RADX: variants seen among roughly 807,000 people sequenced by gnomAD.
RADX encodes RPA-related protein RADX.
In RADX, 36 loss-of-function variants were observed where a neutral mutation model predicts 61.6. The observed-to-expected ratio is 0.58, with a 90% CI of 0.45 to 0.77. The LOEUF (loss-of-function observed/expected upper bound fraction) is 0.77, where lower values mean the gene tolerates loss of function less well. Among genes scored for constraint, RADX ranks in the 30% least tolerant of loss-of-function variants. The probability of loss-of-function intolerance (pLI) is 0.00; values close to 1 mark genes in which losing one functional copy is unlikely to be tolerated. For missense variants in RADX, 497 were observed against 651.1 expected (o/e 0.76, Z 2.58); for synonymous variants, 272 against 237.9 (o/e 1.14, Z -1.32).
rs1926706274 is a variant in RADX, at chrX:106,612,621, T to C, written c.541T>C (p.Leu181=). Residue 181 remains leucine (L), a synonymous_variant, in exon 1 of 14, where the codon TTA becomes CTA. Coordinates refer to ENST00000372548, the MANE Select transcript of RADX (RefSeq NM_018015.6). ...RAHQEKPERP[L]RGGKSHYLAL... ...GCACCAGGAGAAACCAGAGAGGCCT[T>C]TAAGAGGCGGGAAGAGTCATTACCT... 8.3e-7 allele frequency: 1 copy of C among 1,208,848 alleles called. No homozygotes were observed. The highest frequency in any genetic ancestry group is 1.1e-6 in the Non-Finnish European group (1 of 894,867).
rs913019609 is a variant in RADX, at chrX:106,612,398, G to A, written c.318G>A (p.Glu106=). 1.7e-6 allele frequency: 2 copies of A among 1,209,072 alleles called. No homozygotes were observed. Among genetic ancestry groups the A allele is most frequent in the Non-Finnish European group, 2.2e-6 (2 of 894,546 alleles). The part of the protein sequence containing the change: ...DVTISDGVYQ[E]KCYLDPSLNS... ...CGATCTCAGATGGGGTGTACCAGGA[G>A]AAGTGCTACCTGGACCCCAGCTTGA... Residue 106 remains glutamate (E), a synonymous_variant, in exon 1 of 14, where the codon GAG becomes GAA. Coordinates refer to ENST00000372548, the MANE Select transcript of RADX (RefSeq NM_018015.6).
Position 106,612,204 on chromosome X carries a change from C to G in RADX, c.124C>G (p.Pro42Ala), listed in dbSNP as rs1303992225. Residue 42 changes from proline to alanine, a missense_variant, in exon 1 of 14, where the codon CCC becomes GCC. By Grantham distance (27) the Pro-to-Ala change is conservative. Around this residue, in one of 3 missense-constraint regions of RADX, gnomAD observed 196 missense variants for 315.0 expected, o/e 0.62. Transcript: ENST00000372548. ...GVIRRAGSQG[P>A]RSWIQKVLEQ... ...GATCCGAAGAGCTGGTTCCCAAGGG[C>G]CCAGGTCCTGGATCCAAAAGGTTCT... 1 of 1,209,738 alleles carries G rather than the reference C, an allele frequency of 8.3e-7. No homozygotes were observed. Among genetic ancestry groups the G allele is most frequent in the Non-Finnish European group, 1.1e-6 (1 of 895,160 alleles).
intron 13 of RADX, among the ~76,000 whole-genome samples, chrX:106,674,725 G>T (rs1279830907): frequency 8.9e-6 from 1 of 111,906 alleles, no homozygotes. Context: ...TTTGTGTAAA[G>T]AATGAGATAG....
intron 10 of RADX, among the ~76,000 whole-genome samples, chrX:106,642,383 G>A (rs1443499348): frequency 5.4e-5 from 6 of 111,122 alleles, no homozygotes; most frequent in Admixed American, 1.9e-4. Flanking sequence ...CCCGTTAAAC[G>A]TCTTCACTTC....
chrX:106,675,458 A>G (rs147986452), intron 13 of RADX, among the ~76,000 whole-genome samples: 2 of 112,687 alleles, frequency 1.8e-5, no homozygotes, highest in East Asian at 5.6e-4. Context: ...AAGCAGGAAA[A>G]AATGGCTTCT....
At position 106,678,278 on chromosome X, in the gene RADX, T is replaced by A. The variant is rs752809897; in HGVS notation, c.*20T>A. The A allele has an allele frequency of 7.4e-6, 8 of 1,086,185 alleles. No individual in the cohort carries two copies. The South Asian group carries it at 1.5e-4, about 21-fold the overall frequency. 89.5% of individuals were successfully genotyped at this position (1,086,185 alleles called of 1,213,427 possible). On this transcript the variant is annotated 3_prime_UTR_variant, in exon 14 of 14. Transcript: ENST00000372548. ...TCTTAAAAGTTAGCAAATGAAATTA[T>A]TACAGATTATACGAGTGTACTGCTT...
At chrX:106,650,029 A>G (rs890694331) in intron 11 of RADX, among the ~76,000 whole-genome samples, 1 of 111,526 alleles carries the variant, frequency 9.0e-6, no homozygotes, top group Admixed American at 9.5e-5. Flanking sequence ...GCTGAGAGGT[A>G]TAATAACCAC....
chrX:106,616,781 C>T (rs896909986), intron 1 of RADX, among the ~76,000 whole-genome samples: 1 of 110,108 alleles, frequency 9.1e-6, no homozygotes, highest in African/African-American at 3.3e-5. Context: ...ACAACCATGT[C>T]GGAAACTAGA....
rs775488167 is a variant in RADX, at chrX:106,612,033, G to C, written c.-48G>C. ...GGTTTTATTTCTCTCCGCTTTGGAC[G>C]GGGCAAACTAGCTTTTGGGAGTGAA... On this transcript the variant is annotated 5_prime_UTR_variant, in exon 1 of 14. Transcript: ENST00000372548. 3.5e-6 allele frequency: 4 copies of C among 1,156,442 alleles called. No individual in the cohort carries two copies. Among genetic ancestry groups the C allele is most frequent in the South Asian group, 4.0e-5 (2 of 49,399 alleles).
At chrX:106,669,490 A>G (rs1445430220) in intron 13 of RADX, among the ~76,000 whole-genome samples, 160 bp downstream of exon 13, 1 of 112,012 alleles carries the variant, frequency 8.9e-6, no homozygotes, top group South Asian at 3.7e-4. Context: ...ATAAATGAGA[A>G]TATGTCTTTT....
chrX:106,642,370 G>C (rs1335010196), intron 10 of RADX, among the ~76,000 whole-genome samples: 1 of 110,944 alleles, frequency 9.0e-6, no homozygotes, highest in Non-Finnish European at 1.9e-5. Context: ...CTATTTATTT[G>C]TACCCGTTAA....
In RADX at chrX:106,671,303, A is replaced by C. The variant is rs1038481318; in HGVS notation, c.2437+1973A>C. On this transcript the variant is annotated intron_variant, in intron 13 of 13. Coordinates refer to ENST00000372548, the MANE Select transcript of RADX (RefSeq NM_018015.6). ...GAAAGCTACCTCATTCTTTTTAATA[A>C]CTACAAAGTATTCCACTGTGTGGAT... is the stretch of plus-strand genomic sequence containing the variant. 2.7e-5 allele frequency among the ~76,000 whole-genome samples: 3 copies of C among 112,149 alleles called. No individual in the cohort carries two copies. In the East Asian group the frequency reaches 8.4e-4, roughly 31 times the overall value.
chrX:106,658,886 T>C (rs2147636222), intron 11 of RADX, among the ~76,000 whole-genome samples: 1 of 111,377 alleles, frequency 9.0e-6, no homozygotes, highest in South Asian at 3.8e-4. Flanking sequence ...AAAAAGTCCG[T>C]TATATACTTG....
intron 11 of RADX, among the ~76,000 whole-genome samples, chrX:106,656,969 G>A (rs149833202): frequency 5.4e-5 from 6 of 111,825 alleles, no homozygotes; most frequent in East Asian, 5.7e-4. Flanking sequence ...CAGCCTGCCC[G>A]TTGAAGATTT....
chrX:106,651,438 A>G lies in RADX; in HGVS notation c.1978+3052A>G, dbSNP rs778909984. ...AAGAGTTATTACTTGTAGAGTCTCA[A>G]TGAAAGAATTACTAAAGAATTCTGA... On this transcript the variant is annotated intron_variant, in intron 11 of 13. Transcript: ENST00000372548. Among the ~76,000 whole-genome samples the G allele has an allele frequency of 6.6e-4, 74 of 111,685 alleles. 1 individual carries two copies. Among genetic ancestry groups the G allele is most frequent in the Non-Finnish European group, 1.2e-3 (64 of 53,046 alleles).
chrX:106,670,178 G>T (rs1399753386), intron 13 of RADX, among the ~76,000 whole-genome samples: 2 of 103,802 alleles, frequency 1.9e-5, no homozygotes, highest in Non-Finnish European at 3.8e-5. Context: ...TTTTATAAGA[G>T]ATGATTTTTT....
At chrX:106,640,197 A>G (rs185380158) in intron 9 of RADX, among the ~76,000 whole-genome samples, 152 of 111,084 alleles carry the variant, frequency 1.4e-3, no homozygotes, top group Middle Eastern at 9.3e-3. Context: ...TAAATAGTTT[A>G]GTATTATAGA....
rs775953253 is a variant in RADX at position 106,633,022 on chromosome X, A to G, written c.1179A>G (p.Lys393=). 5.2e-5 allele frequency: 62 copies of G among 1,200,822 alleles called. No individual in the cohort carries two copies. Among genetic ancestry groups the G allele is most frequent in the Non-Finnish European group, 6.6e-5 (59 of 887,674 alleles). Residue 393 remains lysine, a splice_region_variant and synonymous_variant, in exon 5 of 14, where the codon AAA becomes AAG. Transcript: ENST00000372548. ...GAAGGGTCCAGCGGTCAAAAAAGAA[A>G]GGTAAGCTTTTAAAATTGAAAATCA... ...FVGRVQRSKK[K]ENREDFWSYR... is the part of the protein sequence containing the mutation.
rs185531297 is a variant in RADX at position 106,678,527 on chromosome X, C to T, written c.*269C>T. The T allele has an allele frequency of 3.0e-4, 55 of 183,982 alleles. No homozygotes were observed. Among genetic ancestry groups the T allele is most frequent in the African/African-American group, 1.6e-3 (54 of 33,918 alleles). 15.2% of individuals were successfully genotyped at this position (183,982 alleles called of 1,213,427 possible). A position where few individuals can be genotyped will look rare whatever the true frequency, so the allele number is the denominator to read the frequency against. Reference sequence around the variant, plus strand: ...ACTAGTATGACTATTATCTTGACTTCTGGTAATTTATGTTCACTATTCCAT... The same window carrying T: ...ACTAGTATGACTATTATCTTGACTTTTGGTAATTTATGTTCACTATTCCAT... On this transcript the variant is annotated 3_prime_UTR_variant, in exon 14 of 14. Transcript: ENST00000372548.
Sources: allele counts gnomAD v4.1 joint callset (sites outside exome capture counted in the v4.1 genomes callset), GRCh38; gene constraint gnomAD v4.1.1; regional missense constraint gnomAD v4.1.1; transcripts MANE v1.5; gene names NCBI Gene and HGNC (gene_info 2026-07-23, HGNC 2026-07-21).